Variants in FHIT observed in about 807,000 individuals in gnomAD.
FHIT encodes the protein fragile histidine triad diadenosine triphosphatase.
In FHIT, 19 loss-of-function variants were observed where a neutral mutation model predicts 17.9. The ratio of observed to expected loss-of-function variants is 1.06; its 90% CI spans 0.74 to 1.56. The LOEUF is 1.56. Ranked by LOEUF, FHIT falls within the 40% of genes most tolerant of loss-of-function variation. The probability of loss-of-function intolerance (pLI) is 0.00; values close to 1 mark genes in which losing one functional copy is unlikely to be tolerated. For synonymous variants in FHIT, 81 were observed against 69.7 expected (o/e 1.16, Z -0.81); for missense variants, 248 against 189.2 (o/e 1.31, Z -1.82).
At chr3:60,339,318 A>G (rs963805622) in intron 5 of FHIT, among the ~76,000 whole-genome samples, 2 of 152,122 alleles carry the variant, frequency 1.3e-5, no homozygotes, top group African/African-American at 4.8e-5. Flanking sequence ...GAGCCAGCAC[A>G]CTATATTTCT....
At chr3:61,081,267 A>G (rs1178046737) in intron 2 of FHIT, among the ~76,000 whole-genome samples, 1 of 152,048 alleles carries the variant, frequency 6.6e-6, no homozygotes, top group African/African-American at 2.4e-5. Context: ...CATGTTACCT[A>G]CTCACACCAA....
intron 2 of FHIT, among the ~76,000 whole-genome samples, chr3:61,151,270 G>C (rs931225813): frequency 6.6e-6 from 1 of 152,174 alleles, no homozygotes; most frequent in African/African-American, 2.4e-5. Context: ...TTCTTCCTGT[G>C]ATTCTTCAAC....
At chr3:60,727,517 CT>C (rs1277931800) in intron 4 of FHIT, among the ~76,000 whole-genome samples, 1 of 152,112 alleles carries the variant, frequency 6.6e-6, no homozygotes, top group East Asian at 1.9e-4. Context: ...GGTCAGAAAA[CT>C]ATATCAGTAT....
intron 4 of FHIT, among the ~76,000 whole-genome samples, chr3:60,620,669 A>G (rs1293319848): frequency 2.0e-5 from 3 of 151,828 alleles, no homozygotes; most frequent in African/African-American, 7.3e-5. Context: ...AGGGATGGCT[A>G]GATAGAACAT....
At chr3:60,939,395 A>T (rs1213409372) in intron 3 of FHIT, among the ~76,000 whole-genome samples, 1 of 152,192 alleles carries the variant, frequency 6.6e-6, no homozygotes, top group Non-Finnish European at 1.5e-5. Context: ...CTACCAAAAA[A>T]CCTGCAATAT....
chr3:60,746,713 T>C (rs945491607), intron 4 of FHIT, among the ~76,000 whole-genome samples: 4 of 152,144 alleles, frequency 2.6e-5, no homozygotes, highest in Non-Finnish European at 4.4e-5. Flanking sequence ...GTTTTACTTG[T>C]AGGGTATAAG....
At chr3:60,551,774 G>A (rs1226284351) in intron 4 of FHIT, among the ~76,000 whole-genome samples, 1 of 149,982 alleles carries the variant, frequency 6.7e-6, no homozygotes, top group African/African-American at 2.5e-5. Flanking sequence ...TAAACCTCAG[G>A]AGCTTAAAAA....
At chr3:60,486,366 A>G (rs143415569) in intron 5 of FHIT, among the ~76,000 whole-genome samples, 54 of 152,294 alleles carry the variant, frequency 3.5e-4, no homozygotes, top group African/African-American at 1.2e-3. Flanking sequence ...AAAATAGAGG[A>G]TCACAAAAAG....
chr3:60,558,994 T>A (rs1029320087), intron 4 of FHIT, among the ~76,000 whole-genome samples: 1 of 152,174 alleles, frequency 6.6e-6, no homozygotes, highest in Non-Finnish European at 1.5e-5. Context: ...ACTTCTAGCA[T>A]TGAAATAACA....
intron 3 of FHIT, among the ~76,000 whole-genome samples, chr3:60,872,051 A>G (rs1392736040): frequency 6.6e-6 from 1 of 152,156 alleles, no homozygotes; most frequent in Admixed American, 6.6e-5. Context: ...GAGCAGGTGA[A>G]TACAATTTAC....
At chr3:59,803,205 A>G (rs1268597024) in intron 8 of FHIT, among the ~76,000 whole-genome samples, 9 of 152,204 alleles carry the variant, frequency 5.9e-5, no homozygotes, top group Non-Finnish European at 1.3e-4. Context: ...CAGTACATTA[A>G]TTATCTGAAT....
intron 5 of FHIT, among the ~76,000 whole-genome samples, chr3:60,326,364 G>C (rs1309772717): frequency 6.6e-6 from 1 of 152,036 alleles, no homozygotes; most frequent in Non-Finnish European, 1.5e-5. Flanking sequence ...TCAGGCATTA[G>C]GTTCTCATAA....
Position 61,047,334 on chromosome 3 carries a change from A to G in FHIT, c.-163-5235T>C, listed in dbSNP as rs575322853. On this transcript the variant is annotated intron_variant, in intron 2 of 9. Transcript: ENST00000492590. Reference sequence around the variant, plus strand: ...AAATCACAAGCATTCCTATACAGCAATAACAGACAAACAGAGAGCCAAATC... The same window carrying G: ...AAATCACAAGCATTCCTATACAGCAGTAACAGACAAACAGAGAGCCAAATC... Among the ~76,000 whole-genome samples the G allele has an allele frequency of 3.9e-5, 6 of 152,334 alleles. No individual in the cohort carries two copies. The South Asian group carries it at 6.2e-4, about 16-fold the overall frequency.
chr3:59,924,089 C>T (rs945377614), intron 7 of FHIT, among the ~76,000 whole-genome samples: 1 of 152,080 alleles, frequency 6.6e-6, no homozygotes, highest in South Asian at 2.1e-4. Context: ...CCCATGAAAC[C>T]AAATTCTTAG....
intron 5 of FHIT, among the ~76,000 whole-genome samples, chr3:60,261,913 GAACA>G (rs1443796358): frequency 2.6e-5 from 4 of 152,016 alleles, no homozygotes; most frequent in African/African-American, 7.2e-5. Flanking sequence ...AGAAGAATCT[GAACA>G]AACAGGCCTT....
At chr3:60,805,512 T>C (rs371010720) in intron 4 of FHIT, among the ~76,000 whole-genome samples, 1 of 152,178 alleles carries the variant, frequency 6.6e-6, no homozygotes, top group South Asian at 2.1e-4. Context: ...CCCACCCTTA[T>C]GACCTCATTT....
chr3:60,281,848 T>C (rs1275231259), intron 5 of FHIT, among the ~76,000 whole-genome samples: 2 of 152,148 alleles, frequency 1.3e-5, no homozygotes, highest in Non-Finnish European at 2.9e-5. Context: ...AATTTAAAAC[T>C]TTTGCTCTAC....
At chr3:59,990,583 G>C (rs193083463) in intron 7 of FHIT, among the ~76,000 whole-genome samples, 4 of 152,098 alleles carry the variant, frequency 2.6e-5, no homozygotes, top group Admixed American at 1.3e-4. Flanking sequence ...TTTTATCTTT[G>C]TGAGCATTTA....
At chr3:60,193,461 A>C (rs1421667086) in intron 5 of FHIT, among the ~76,000 whole-genome samples, 1 of 152,216 alleles carries the variant, frequency 6.6e-6, no homozygotes, top group Non-Finnish European at 1.5e-5. Flanking sequence ...AAGAAAACTA[A>C]ATAAAAATAT....
Sources: gnomAD v4.1 joint callset for allele counts (sites outside exome capture counted in the v4.1 genomes callset) on GRCh38, gnomAD v4.1.1 for gene constraint, MANE v1.5 for transcripts, NCBI Gene and HGNC (gene_info 2026-07-23, HGNC 2026-07-21) for gene names.